IMMP2L: variants seen among roughly 807,000 people sequenced by gnomAD.
IMMP2L encodes inner mitochondrial membrane peptidase subunit 2, also known as mitochondrial inner membrane protease subunit 2.
In IMMP2L, 18 loss-of-function variants were observed where a neutral mutation model predicts 19.3. The observed-to-expected ratio is 0.93, with a 90% confidence interval of 0.64 to 1.38. The LOEUF (loss-of-function observed/expected upper bound fraction) is 1.38, where lower values mean the gene tolerates loss of function less well. Among genes scored for constraint, IMMP2L ranks in the 40% most tolerant of loss-of-function variants. The pLI is 0.00. For missense variants in IMMP2L, 233 were observed against 218.2 expected (o/e 1.07, Z -0.43); for synonymous variants, 76 against 73.0 (o/e 1.04, Z -0.21).
intron 4 of IMMP2L, among the ~76,000 whole-genome samples, chr7:110,888,406 T>C (rs557803737): frequency 6.6e-6 from 1 of 152,312 alleles, no homozygotes; most frequent in Non-Finnish European, 1.5e-5. Flanking sequence ...TCCAAACGTT[T>C]GTTCACCTTA....
chr7:111,108,571 C>T (rs1436860060), intron 3 of IMMP2L, among the ~76,000 whole-genome samples: 3 of 151,920 alleles, frequency 2.0e-5, no homozygotes, highest in African/African-American at 2.4e-5. Context: ...CAGATTTATT[C>T]GAGATATAAT....
At chr7:111,532,844 G>A (rs1282806179) in intron 1 of IMMP2L, among the ~76,000 whole-genome samples, 1 of 152,162 alleles carries the variant, frequency 6.6e-6, no homozygotes, top group African/African-American at 2.4e-5. Flanking sequence ...TATGGCAGCT[G>A]CAAGTCCATG....
intron 3 of IMMP2L, among the ~76,000 whole-genome samples, chr7:111,145,673 G>A (rs1450912297): frequency 2.0e-5 from 3 of 152,056 alleles, no homozygotes; most frequent in South Asian, 2.1e-4. Context: ...TGAGCATCGC[G>A]TCAGGGTGAA....
intron 5 of IMMP2L, among the ~76,000 whole-genome samples, chr7:110,725,179 G>T (rs1472852012): frequency 6.6e-6 from 1 of 152,142 alleles, no homozygotes; most frequent in East Asian, 1.9e-4. Flanking sequence ...TTCAGACACG[G>T]ATCACACTTG....
chr7:111,445,342 T>G (rs1838226278), intron 3 of IMMP2L, among the ~76,000 whole-genome samples: 2 of 151,950 alleles, frequency 1.3e-5, no homozygotes, highest in Non-Finnish European at 2.9e-5. Context: ...AGAAAACATC[T>G]TACCATCTTT....
intron 3 of IMMP2L, among the ~76,000 whole-genome samples, chr7:111,434,976 C>G (rs541856059): frequency 4.6e-5 from 7 of 151,890 alleles, no homozygotes; most frequent in Non-Finnish European, 1.0e-4. Context: ...CACAATCATA[C>G]ATTTCTCATA....
rs183867186 is a variant in IMMP2L, at chr7:111,548,676, C to G, written c.-3+13175G>C. Among the ~76,000 whole-genome samples the G allele has an allele frequency of 3.3e-5, 5 of 152,152 alleles. No homozygotes were observed. The East Asian group carries it at 5.8e-4, about 18-fold the overall frequency. ...ATAATTTTAATTCATTATCATGTCA[C>G]TTACCATTTTTCTCTAAGTATTTTA... On this transcript the variant is annotated intron_variant, in intron 1 of 5. Transcript: ENST00000405709.
rs1171728170 is a variant in IMMP2L, at chr7:110,663,595, C to G, written c.*7G>C. ...CCAATGCCAGCAACTCAGGTAGATT[C>G]ATGCAGTCATTCCTCTTCTCTCTGT... On this transcript the variant is annotated 3_prime_UTR_variant, in exon 6 of 6. Transcript: ENST00000405709. 1.9e-6 allele frequency: 3 copies of G among 1,613,380 alleles called. No individual in the cohort carries two copies. The South Asian group carries it at 3.3e-5, about 18-fold the overall frequency.
chr7:111,242,202 G>A (rs1790657594), intron 3 of IMMP2L, among the ~76,000 whole-genome samples: 1 of 152,000 alleles, frequency 6.6e-6, no homozygotes. Flanking sequence ...GCAGAACAAG[G>A]ACAGGTGTGT....
chr7:111,308,172 A>T (rs1234358213), intron 3 of IMMP2L, among the ~76,000 whole-genome samples: 1 of 151,982 alleles, frequency 6.6e-6, no homozygotes, highest in Non-Finnish European at 1.5e-5. Context: ...AAGTAAATAT[A>T]ATGTCTACAC....
chr7:111,304,626 A>ATATACATACATAATGTATGGGTGTT (rs1171267845), intron 3 of IMMP2L, among the ~76,000 whole-genome samples: 9 of 151,348 alleles, frequency 5.9e-5, no homozygotes, highest in Non-Finnish European at 1.0e-4. Flanking sequence ...GTATGGGTGT[A>ATATACATACATAATGTATGGGTGTT]TATACATACA....
chr7:111,026,344 G>A (rs1314170784), intron 3 of IMMP2L, among the ~76,000 whole-genome samples: 2 of 152,152 alleles, frequency 1.3e-5, no homozygotes, highest in East Asian at 3.9e-4. Flanking sequence ...CTAAGATGGC[G>A]TGTCACAGAA....
At chr7:110,980,234 T>TG (rs1272031289) in intron 3 of IMMP2L, among the ~76,000 whole-genome samples, 2 of 140,108 alleles carry the variant, frequency 1.4e-5, no homozygotes, top group African/African-American at 5.3e-5. Context: ...CTTCTTTTTT[T>TG]TTTTTTTTTT....
At chr7:110,667,442 T>C (rs1791542296) in intron 5 of IMMP2L, among the ~76,000 whole-genome samples, 1 of 152,294 alleles carries the variant, frequency 6.6e-6, no homozygotes, top group East Asian at 1.9e-4. Context: ...TGTTAGAGAA[T>C]AAAGAAGAAT....
chr7:110,688,610 G>C (rs1793277222), intron 5 of IMMP2L, among the ~76,000 whole-genome samples: 2 of 151,864 alleles, frequency 1.3e-5, no homozygotes, highest in African/African-American at 4.8e-5. Flanking sequence ...ACTAGGACAA[G>C]TTTGCAAAAA....
chr7:111,266,481 T>G (rs941102701), intron 3 of IMMP2L, among the ~76,000 whole-genome samples: 1 of 148,832 alleles, frequency 6.7e-6, no homozygotes, highest in Admixed American at 6.8e-5. Flanking sequence ...AGACAGAGGT[T>G]GCAGCGAGCC....
chr7:110,987,545 G>T (rs1821987500), intron 3 of IMMP2L, among the ~76,000 whole-genome samples: 1 of 152,086 alleles, frequency 6.6e-6, no homozygotes, highest in African/African-American at 2.4e-5. Context: ...AGGAATGCTA[G>T]TTTTCCAAGA....
chr7:110,876,292 CA>C (rs67779457), intron 5 of IMMP2L, among the ~76,000 whole-genome samples: 6,082 of 151,900 alleles, frequency 0.04, 393 homozygotes, highest in African/African-American at 0.14. Context: ...AGAACTTTAC[CA>C]AAAAAGAGTA....
At chr7:111,052,506 A>T (rs191146539) in intron 3 of IMMP2L, among the ~76,000 whole-genome samples, 2 of 152,298 alleles carry the variant, frequency 1.3e-5, no homozygotes, top group Admixed American at 1.3e-4. Context: ...ATGTCCTGGA[A>T]GCTCCCCCTT....
Sources: gnomAD v4.1 joint callset for allele counts (sites outside exome capture counted in the v4.1 genomes callset) on GRCh38, gnomAD v4.1.1 for gene constraint, MANE v1.5 for transcripts, NCBI Gene and HGNC (gene_info 2026-07-23, HGNC 2026-07-21) for gene names.